The following SRGAP3 variants were observed in gnomAD, a reference collection of about 807,000 sequenced individuals.
The protein encoded by SRGAP3 is SLIT-ROBO Rho GTPase activating protein 3, also known as SLIT-ROBO Rho GTPase-activating protein 3.
SRGAP3 carries 39 observed loss-of-function variants against 121.1 expected under a neutral mutation model. The ratio of observed to expected loss-of-function variants is 0.32; its 90% confidence interval spans 0.25 to 0.42. The LOEUF (loss-of-function observed/expected upper bound fraction) is 0.42, where lower values mean the gene tolerates loss of function less well. Among genes scored for constraint, SRGAP3 ranks in the 10% least tolerant of loss-of-function variants. The probability of loss-of-function intolerance (pLI) is 1.00; values close to 1 mark genes in which losing one functional copy is unlikely to be tolerated. For missense variants in SRGAP3, 1,213 were observed against 1,470.6 expected (o/e 0.82, Z 2.86); for synonymous variants, 601 against 570.0 (o/e 1.05, Z -0.77).
chr3:9,235,303 C>A (rs764518652), intron 1 of SRGAP3, among the ~76,000 whole-genome samples: 10 of 152,012 alleles, frequency 6.6e-5, no homozygotes, highest in Non-Finnish European at 1.5e-4. Context: ...TTTTATTATA[C>A]ACAGATATAA....
At chr3:8,989,455 GCCT>G (rs1463523520) in intron 21 of SRGAP3, among the ~76,000 whole-genome samples, 2 of 152,172 alleles carry the variant, frequency 1.3e-5, no homozygotes, top group African/African-American at 2.4e-5. Context: ...ACCCTGCCTG[GCCT>G]CCTCTAGAAC....
chr3:9,221,248 T>A (rs947425137), intron 1 of SRGAP3, among the ~76,000 whole-genome samples: 6 of 152,210 alleles, frequency 3.9e-5, no homozygotes, highest in African/African-American at 1.4e-4. Context: ...TCTAAAGTTA[T>A]CTCCGGCCAG....
chr3:9,050,050 C>T (rs908865803), intron 9 of SRGAP3, among the ~76,000 whole-genome samples: 2 of 152,118 alleles, frequency 1.3e-5, no homozygotes, highest in Admixed American at 6.5e-5. Flanking sequence ...ATGTTGCCCA[C>T]GCTGGTCATG....
chr3:8,992,078 A>C (rs1267062252), intron 20 of SRGAP3, among the ~76,000 whole-genome samples: 1 of 152,224 alleles, frequency 6.6e-6, no homozygotes, highest in Admixed American at 6.5e-5. Context: ...TGGAATTTGC[A>C]GAAAAGAGGC....
intron 1 of SRGAP3, chr3:9,216,862 T>A (rs2664103): frequency 0.75 from 114,862 of 152,272 alleles, 43,613 homozygotes; most frequent in East Asian, 0.94. Flanking sequence ...GACACACGCC[T>A]CAACACGGAT....
At chr3:9,037,758 C>T in intron 11 of SRGAP3, 1 of 477,790 alleles carries the variant, frequency 2.1e-6, no homozygotes, top group Non-Finnish European at 3.8e-6. Flanking sequence ...CTGCCCTCAG[C>T]CACTCTGAGT....
chr3:9,070,731 C>A (rs888971275), intron 4 of SRGAP3, among the ~76,000 whole-genome samples: 25 of 152,126 alleles, frequency 1.6e-4, no homozygotes, highest in African/African-American at 6.0e-4. Context: ...TTCTGCTGAG[C>A]ATACTTGGAA....
intron 1 of SRGAP3, among the ~76,000 whole-genome samples, chr3:9,224,192 A>T (rs1574899645): frequency 6.6e-6 from 1 of 152,162 alleles, no homozygotes; most frequent in East Asian, 1.9e-4. Context: ...AAGTTAATAG[A>T]ACAACTCATT....
chr3:9,097,585 G>A (rs908691052), intron 3 of SRGAP3, among the ~76,000 whole-genome samples: 5 of 152,122 alleles, frequency 3.3e-5, no homozygotes, highest in African/African-American at 1.2e-4. Context: ...TGTGGATTCC[G>A]TCTCCCACCT....
chr3:9,167,337 A>ACT (rs1221295997), intron 1 of SRGAP3, among the ~76,000 whole-genome samples: 2 of 151,490 alleles, frequency 1.3e-5, no homozygotes, highest in African/African-American at 4.8e-5. Context: ...CTGCCTCTTC[A>ACT]CTCTCTCTCT....
At chr3:9,013,012 G>A (rs1200652500) in intron 17 of SRGAP3, among the ~76,000 whole-genome samples, 2 of 152,066 alleles carry the variant, frequency 1.3e-5, no homozygotes, top group South Asian at 2.1e-4. Context: ...GGTAATAGTT[G>A]AGCCCCTGGA....
intron 21 of SRGAP3, among the ~76,000 whole-genome samples, chr3:8,988,118 G>T (rs903619159): frequency 6.6e-6 from 1 of 152,146 alleles, no homozygotes; most frequent in Non-Finnish European, 1.5e-5. Flanking sequence ...TAGTCCGAGA[G>T]GTGGCGCTGT....
chr3:9,111,623 G>A (rs569728765), intron 2 of SRGAP3, among the ~76,000 whole-genome samples: 2 of 152,176 alleles, frequency 1.3e-5, no homozygotes, highest in African/African-American at 4.8e-5. Flanking sequence ...GCCGCAGACC[G>A]CAGAGCCAGA....
At chr3:9,307,728 A>G (rs1471206796) in intron 3 of SRGAP3, among the ~76,000 whole-genome samples, 1 of 152,254 alleles carries the variant, frequency 6.6e-6, no homozygotes, top group African/African-American at 2.4e-5. Context: ...CAGAGAAAGG[A>G]AAACCTCAGG....
chr3:9,096,055 G>C (rs549363482), intron 3 of SRGAP3, among the ~76,000 whole-genome samples: 47 of 152,162 alleles, frequency 3.1e-4, no homozygotes, highest in African/African-American at 1.1e-3. Flanking sequence ...CTGGGCAACA[G>C]AGTGAAACCC....
At chr3:9,273,944 G>C (rs1189250201) in intron 3 of SRGAP3, among the ~76,000 whole-genome samples, 1 of 151,966 alleles carries the variant, frequency 6.6e-6, no homozygotes, top group Non-Finnish European at 1.5e-5. Context: ...GTATTCCATT[G>C]GTCTATATGT....
intron 3 of SRGAP3, among the ~76,000 whole-genome samples, chr3:9,100,181 G>C (rs1030430670): frequency 6.6e-6 from 1 of 152,188 alleles, no homozygotes. Flanking sequence ...GTTGTGCACT[G>C]CCATTTTTCA....
intron 1 of SRGAP3, chr3:9,349,249 CT>C (rs1191049001): frequency 2.3e-5 from 13 of 557,376 alleles, no homozygotes; most frequent in Non-Finnish European, 3.7e-5. Context: ...TCGCGTCCCC[CT>C]GCCCCTCCCT....
intron 18 of SRGAP3, among the ~76,000 whole-genome samples, chr3:8,997,338 G>C (rs569305088): frequency 2.6e-5 from 4 of 152,128 alleles, no homozygotes; most frequent in Non-Finnish European, 5.9e-5. Context: ...AGTGTCCCCT[G>C]GATCTGACCA....
Sources: gnomAD v4.1 joint callset for allele counts (sites outside exome capture counted in the v4.1 genomes callset) on GRCh38, gnomAD v4.1.1 for gene constraint, MANE v1.5 for transcripts, NCBI Gene and HGNC (gene_info 2026-07-23, HGNC 2026-07-21) for gene names.